RELN: variants seen among roughly 807,000 people sequenced by gnomAD.
The protein encoded by RELN is reelin.
Under a neutral mutation model 427.6 loss-of-function variants are expected in RELN, and 108 were observed. The ratio of observed to expected loss-of-function variants is 0.25; its 90% CI spans 0.22 to 0.30. The LOEUF is 0.30. Ranked by LOEUF, RELN falls within the 10% of genes least tolerant of loss-of-function variation. The pLI is 1.00. For synonymous variants in RELN, 1,524 were observed against 1,513.4 expected (o/e 1.01, Z -0.16); for missense variants, 3,715 against 4,302.8 (o/e 0.86, Z 3.82).
Position 103,640,479 on chromosome 7 carries a change from C to A in RELN, c.2069+64G>T. 3.3e-6 allele frequency: 5 copies of A among 1,523,754 alleles called. No individual in the cohort carries two copies. The highest frequency in any genetic ancestry group is 2.7e-6 in the Non-Finnish European group (3 of 1,099,096). The allele number at this position is 1,523,754 out of a possible 1,614,324, so 94.4% of individuals were successfully genotyped here. The stretch of plus-strand genomic sequence containing the variant: ...CTAAAAAAGGTTATTAAATGACTTG[C>A]GACTTCAACACATACATTACACATC... On this transcript the variant is annotated intron_variant, in intron 17 of 64. Coordinates refer to ENST00000428762, the MANE Select transcript of RELN (RefSeq NM_005045.4). This position sits in a 1 kb window ranked among gnomAD's most constrained non-coding sequence, Gnocchi z 4.1.
intron 8 of RELN, among the ~76,000 whole-genome samples, chr7:103,720,001 G>C (rs1458000210): frequency 6.6e-6 from 1 of 151,830 alleles, no homozygotes; most frequent in East Asian, 1.9e-4. Flanking sequence ...AAAAATCATT[G>C]GTTAAGACAG....
chr7:103,543,022 C>T (rs562047864), intron 42 of RELN, 144 bp from the exon 43 acceptor site: 4 of 837,566 alleles, frequency 4.8e-6, no homozygotes, highest in Admixed American at 2.2e-5. Flanking sequence ...GGATAAGAGG[C>T]CTTTTCAACA....
At chr7:103,659,714 T>C (rs1468335099) in intron 12 of RELN, among the ~76,000 whole-genome samples, 2 of 152,186 alleles carry the variant, frequency 1.3e-5, no homozygotes, top group Non-Finnish European at 2.9e-5. Context: ...ATGGTACTTG[T>C]GGGTGGGAAC....
chr7:103,688,734 G>A (rs189018178), intron 10 of RELN, among the ~76,000 whole-genome samples: 77 of 152,098 alleles, frequency 5.1e-4, no homozygotes, highest in African/African-American at 1.7e-3. Context: ...TTCTTATTCA[G>A]GACTGGAGAC....
At chr7:103,919,804 G>A (rs540644433) in intron 1 of RELN, among the ~76,000 whole-genome samples, 9 of 152,224 alleles carry the variant, frequency 5.9e-5, no homozygotes, top group African/African-American at 1.7e-4. Context: ...TCTTGAAAGC[G>A]GAAAAGTGAT....
Position 103,651,655 on chromosome 7 carries a change from A to G in RELN, c.1892+6T>C, listed in dbSNP as rs1832916357. The G allele has an allele frequency of 6.2e-7, 1 of 1,610,544 alleles. No individual in the cohort carries two copies. The highest frequency in any genetic ancestry group is 8.5e-7 in the Non-Finnish European group (1 of 1,177,412). ...TATTTCAATATCTCAGAGAGAATGT[A>G]CTCACCCACTGTAGTTTTCAGAGGA... On this transcript the variant is annotated splice_donor_region_variant and intron_variant, in intron 15 of 64. Coordinates refer to ENST00000428762, the MANE Select transcript of RELN (RefSeq NM_005045.4).
At chr7:103,508,999 G>A (rs1242615305) in intron 51 of RELN, among the ~76,000 whole-genome samples, 1 of 149,572 alleles carries the variant, frequency 6.7e-6, no homozygotes, top group Non-Finnish European at 1.5e-5. Flanking sequence ...GGAAATAAGA[G>A]AGGATGCAAA....
At chr7:103,909,360 T>C (rs1179306317) in intron 2 of RELN, among the ~76,000 whole-genome samples, 4 of 151,728 alleles carry the variant, frequency 2.6e-5, no homozygotes, top group South Asian at 2.1e-4. Context: ...TAAAACAAAA[T>C]AGTAAAAACT....
At chr7:103,582,326 A>G (rs1455612596) in intron 28 of RELN, among the ~76,000 whole-genome samples, 2 of 152,236 alleles carry the variant, frequency 1.3e-5, no homozygotes, top group Non-Finnish European at 2.9e-5. Flanking sequence ...CTGGGTCTGT[A>G]TCCTAACTAA....
chr7:103,882,303 C>G (rs1794624970), intron 2 of RELN, among the ~76,000 whole-genome samples: 1 of 152,126 alleles, frequency 6.6e-6, no homozygotes, highest in Non-Finnish European at 1.5e-5. Flanking sequence ...CAAAATTCAA[C>G]TGCTACAAAC....
At chr7:103,916,228 T>C (rs1795478709) in intron 2 of RELN, among the ~76,000 whole-genome samples, 1 of 151,950 alleles carries the variant, frequency 6.6e-6, no homozygotes, top group African/African-American at 2.4e-5. Flanking sequence ...CAAAAGGAGG[T>C]AGAAAATTTA....
At chr7:103,498,319 A>G in intron 53 of RELN, 67 bp from the exon 54 acceptor site, 2 of 1,410,798 alleles carry the variant, frequency 1.4e-6, no homozygotes, top group Non-Finnish European at 2.0e-6. Context: ...TATTTAAGAA[A>G]ATACAGAGTG....
chr7:103,932,602 C>A (rs545025363), intron 1 of RELN, among the ~76,000 whole-genome samples: 1 of 152,298 alleles, frequency 6.6e-6, no homozygotes, highest in African/African-American at 2.4e-5. Flanking sequence ...TTCTGTTATT[C>A]CACCTGGTGG....
intron 1 of RELN, among the ~76,000 whole-genome samples, chr7:103,980,275 G>T (rs1477951530): frequency 6.6e-6 from 1 of 151,806 alleles, no homozygotes; most frequent in Non-Finnish European, 1.5e-5. Context: ...TATTTTGAAG[G>T]CATGTTAACT....
chr7:103,482,744 G>T, intron 63 of RELN, 129 bp downstream of exon 63: 1 of 1,546,342 alleles, frequency 6.5e-7, no homozygotes, highest in Non-Finnish European at 8.7e-7. Context: ...GCAAAAGAGT[G>T]TAAGCCAAAG....
intron 51 of RELN, among the ~76,000 whole-genome samples, chr7:103,508,480 G>C (rs764466580): frequency 6.6e-6 from 1 of 152,166 alleles, no homozygotes. Context: ...TCAATAACTA[G>C]GTATTGATGG....
rs570682988 is a variant in RELN at position 103,961,487 on chromosome 7, T to C, written c.226+27644A>G. Among the ~76,000 whole-genome samples the C allele has an allele frequency of 2.6e-5, 4 of 152,322 alleles. No homozygotes were observed. In the South Asian group the frequency reaches 8.3e-4, roughly 32 times the overall value. ...ACTAAAAAAGAAGTGAAATGAGTAA[T>C]TCACTCACCAGGTAATTTACTCGTG... On this transcript the variant is annotated intron_variant, in intron 1 of 64. Coordinates refer to ENST00000428762, the MANE Select transcript of RELN (RefSeq NM_005045.4).
chr7:103,687,455 A>G (rs1341153229), intron 10 of RELN, among the ~76,000 whole-genome samples: 5 of 152,136 alleles, frequency 3.3e-5, no homozygotes, highest in Admixed American at 1.3e-4. Context: ...CTGTTTTTTC[A>G]TCTGTGAAAT....
rs7811262 is a variant in RELN at position 103,472,415 on chromosome 7, C to T, written c.*397G>A. On this transcript the variant is annotated 3_prime_UTR_variant, in exon 65 of 65. Coordinates refer to ENST00000428762, the MANE Select transcript of RELN (RefSeq NM_005045.4). ...AATCATATAAAACATGAGACATAGCCGAAATACAGTCCACTTAAATAGCTT... is the reference window on the plus strand; with the variant it reads ...AATCATATAAAACATGAGACATAGCTGAAATACAGTCCACTTAAATAGCTT... 254,089 of 256,042 alleles carry T rather than the reference C, an allele frequency of 0.99. 126,082 individuals are homozygous for T. The highest frequency in any genetic ancestry group is 1 in the Middle Eastern group (680 of 680). The allele number at this position is 256,042 out of a possible 1,614,324, so 15.9% of individuals were successfully genotyped here. A position where few individuals can be genotyped will look rare whatever the true frequency, so the allele number is the denominator to read the frequency against.
Sources: allele counts gnomAD v4.1 joint callset (sites outside exome capture counted in the v4.1 genomes callset), GRCh38; gene constraint gnomAD v4.1.1; non-coding constraint Gnocchi (gnomAD v3.1); transcripts MANE v1.5; gene names NCBI Gene and HGNC (gene_info 2026-07-23, HGNC 2026-07-21).